The following FLI1 variants were observed in gnomAD, a reference collection of about 807,000 sequenced individuals.
FLI1 encodes the protein Fli-1 proto-oncogene, ETS transcription factor.
In FLI1, 13 loss-of-function variants were observed where a neutral mutation model predicts 53.1. The observed-to-expected ratio is 0.24, with a 90% confidence interval of 0.16 to 0.39. FLI1 has a LOEUF of 0.39. FLI1 is among the 10% of genes least tolerant of loss of function. The probability of loss-of-function intolerance (pLI) is 1.00; values close to 1 mark genes in which losing one functional copy is unlikely to be tolerated. For missense variants in FLI1, 424 were observed against 600.5 expected (o/e 0.71, Z 3.07); for synonymous variants, 244 against 236.7 (o/e 1.03, Z -0.28).
intron 5 of FLI1, among the ~76,000 whole-genome samples, chr11:128,791,174 C>T (rs910193782): frequency 1.6e-4 from 24 of 152,114 alleles, no homozygotes; most frequent in African/African-American, 3.9e-4. Context: ...CCCCCTGGAG[C>T]GTAGAGGTGT....
chr11:128,799,436 T>G (rs964708316), intron 5 of FLI1, among the ~76,000 whole-genome samples: 3 of 152,188 alleles, frequency 2.0e-5, no homozygotes, highest in African/African-American at 7.2e-5. Context: ...ATCACATGCT[T>G]ATTTAATCCT....
chr11:128,753,693 G>A (rs1021745745), intron 1 of FLI1, among the ~76,000 whole-genome samples: 5 of 152,250 alleles, frequency 3.3e-5, no homozygotes, highest in Non-Finnish European at 7.3e-5. Context: ...AGCTCCTCAT[G>A]TGTAACAAGC....
chr11:128,768,618 G>A (rs1208154515), intron 3 of FLI1: 6 of 238,426 alleles, frequency 2.5e-5, no homozygotes, highest in Admixed American at 9.9e-5. Context: ...TAACCGGGAA[G>A]GCGGAGGTTG....
intron 1 of FLI1, among the ~76,000 whole-genome samples, chr11:128,730,181 G>A (rs530979248): frequency 2.0e-5 from 3 of 152,284 alleles, no homozygotes; most frequent in African/African-American, 7.2e-5. Context: ...CTTGTATTGT[G>A]CATTTGTTAA....
At chr11:128,747,800 C>T (rs947591962) in intron 1 of FLI1, among the ~76,000 whole-genome samples, 3 of 152,146 alleles carry the variant, frequency 2.0e-5, no homozygotes, top group Non-Finnish European at 2.9e-5. Flanking sequence ...GTGGACAGAC[C>T]CAGTGTAAAG....
rs559321849 is a variant in FLI1, at chr11:128,687,191, C to T, written c.-203+490C>T. ...ACAGGTGAGACACGCGCTCAGTCCT[C>T]GAGCCCACCTTCTTTGGCCCCGCCC... On this transcript the variant is annotated intron_variant, in intron 1 of 6. Coordinates refer to the FLI1 transcript ENST00000344954. 1.8e-4 allele frequency among the ~76,000 whole-genome samples: 27 copies of T among 152,282 alleles called. No homozygotes were observed. The South Asian group carries it at 4.8e-3, about 27-fold the overall frequency.
At chr11:128,722,494 C>T (rs1939295150) in intron 1 of FLI1, among the ~76,000 whole-genome samples, 1 of 152,236 alleles carries the variant, frequency 6.6e-6, no homozygotes, top group Non-Finnish European at 1.5e-5. Flanking sequence ...CCAGCAAACA[C>T]TGCAGGATTT....
At chr11:128,748,998 G>A (rs1940530557) in intron 1 of FLI1, among the ~76,000 whole-genome samples, 1 of 152,156 alleles carries the variant, frequency 6.6e-6, no homozygotes, top group African/African-American at 2.4e-5. Flanking sequence ...GTTTTTGTCT[G>A]TTGTTTATTT....
At chr11:128,708,025 A>G (rs1269823333) in intron 1 of FLI1, among the ~76,000 whole-genome samples, 1 of 152,194 alleles carries the variant, frequency 6.6e-6, no homozygotes, top group Admixed American at 6.5e-5. Flanking sequence ...ACAGGAAAGA[A>G]TGTTTTGTTA....
chr11:128,754,133 A>G (rs656587), intron 1 of FLI1, among the ~76,000 whole-genome samples: 120,318 of 152,044 alleles, frequency 0.79, 48,136 homozygotes, highest in East Asian at 0.96. Flanking sequence ...CTTCTCCTTC[A>G]TCTTCTCTCT....
chr11:128,710,249 A>G (rs1377909565), intron 1 of FLI1, among the ~76,000 whole-genome samples: 1 of 152,214 alleles, frequency 6.6e-6, no homozygotes, highest in Non-Finnish European at 1.5e-5. Context: ...TCAAAAATGA[A>G]GAGATGAAGA....
At chr11:128,728,603 C>T (rs1939571920) in intron 1 of FLI1, among the ~76,000 whole-genome samples, 1 of 152,220 alleles carries the variant, frequency 6.6e-6, no homozygotes, top group Non-Finnish European at 1.5e-5. Context: ...CCCAGTATGC[C>T]CTGAGTGTCC....
At chr11:128,792,382 T>A (rs189437108) in intron 5 of FLI1, among the ~76,000 whole-genome samples, 212 of 152,336 alleles carry the variant, frequency 1.4e-3, no homozygotes, top group Admixed American at 2.9e-3. Context: ...GTGCAATCAA[T>A]CTTATTTGCA....
chr11:128,719,461 C>T (rs1023735115), intron 1 of FLI1, among the ~76,000 whole-genome samples: 2 of 151,324 alleles, frequency 1.3e-5, no homozygotes, highest in Admixed American at 6.6e-5. Flanking sequence ...AGGCTGCCTG[C>T]CTCTGATAGA....
chr11:128,751,573 C>A (rs1186531197), intron 1 of FLI1, among the ~76,000 whole-genome samples: 1 of 152,054 alleles, frequency 6.6e-6, no homozygotes, highest in Non-Finnish European at 1.5e-5. Flanking sequence ...GTCGCCCAGG[C>A]TGAAGTGCAG....
chr11:128,765,742 G>A (rs546271412), intron 2 of FLI1, among the ~76,000 whole-genome samples: 1 of 152,342 alleles, frequency 6.6e-6, no homozygotes, highest in South Asian at 2.1e-4. Flanking sequence ...CAAGGATGCA[G>A]GGAAAGGCTG....
At chr11:128,767,086 AGT>A (rs1371342701) in intron 2 of FLI1, among the ~76,000 whole-genome samples, 3 of 152,036 alleles carry the variant, frequency 2.0e-5, no homozygotes. Context: ...GGGCATGCAG[AGT>A]GTGTTTGCCA....
chr11:128,704,851 A>G (rs1169554542), intron 1 of FLI1, among the ~76,000 whole-genome samples: 2 of 152,222 alleles, frequency 1.3e-5, no homozygotes, highest in African/African-American at 4.8e-5. Context: ...AATAAAAATG[A>G]GGAAGAACAA....
chr11:128,753,093 G>A (rs1365310589), intron 1 of FLI1, among the ~76,000 whole-genome samples: 1 of 152,188 alleles, frequency 6.6e-6, no homozygotes, highest in Non-Finnish European at 1.5e-5. Context: ...TCCCTGCCTG[G>A]AACAAGGGAC....
Sources: gnomAD v4.1 joint callset for allele counts (sites outside exome capture counted in the v4.1 genomes callset) on GRCh38, gnomAD v4.1.1 for gene constraint, MANE v1.5 for transcripts, NCBI Gene and HGNC (gene_info 2026-07-23, HGNC 2026-07-21) for gene names.